Variants in POU2AF1 observed in about 807,000 individuals in gnomAD.
POU2AF1 encodes the protein POU domain class 2-associating factor 1.
Under a neutral mutation model 26.3 loss-of-function variants are expected in POU2AF1, and 12 were observed. That is an observed-to-expected ratio of 0.46 (90% CI 0.29 to 0.74). POU2AF1 has a LOEUF of 0.74. Ranked by LOEUF, POU2AF1 falls within the 30% of genes least tolerant of loss-of-function variation. The probability of loss-of-function intolerance (pLI) is 0.09; values close to 1 mark genes in which losing one functional copy is unlikely to be tolerated. For synonymous variants in POU2AF1, 175 were observed against 148.0 expected (o/e 1.18, Z -1.32); for missense variants, 297 against 334.5 (o/e 0.89, Z 0.87).
At chr11:111,355,188 T>C (rs1231667050) in intron 4 of POU2AF1, among the ~76,000 whole-genome samples, 2 of 152,208 alleles carry the variant, frequency 1.3e-5, no homozygotes, top group Non-Finnish European at 2.9e-5. Flanking sequence ...GTCAGCAAAC[T>C]TGGCCTTCCT....
At chr11:111,370,532 A>T (rs1348629925) in intron 1 of POU2AF1, among the ~76,000 whole-genome samples, 3 of 152,136 alleles carry the variant, frequency 2.0e-5, no homozygotes, top group African/African-American at 4.8e-5. Flanking sequence ...GAATATAGTT[A>T]TGGTGCCTGC....
chr11:111,376,607 G>A (rs1861314584), intron 1 of POU2AF1, among the ~76,000 whole-genome samples: 1 of 152,212 alleles, frequency 6.6e-6, no homozygotes, highest in Admixed American at 6.5e-5. Flanking sequence ...CATGGGCTAG[G>A]TAGGGAGGAG....
At chr11:111,361,899 G>A (rs1861016793) in intron 1 of POU2AF1, among the ~76,000 whole-genome samples, 2 of 152,162 alleles carry the variant, frequency 1.3e-5, no homozygotes, top group Non-Finnish European at 2.9e-5. Flanking sequence ...CGAAATCTGA[G>A]GACAGATACC....
At position 111,354,278 on chromosome 11, in the gene POU2AF1, A is replaced by T; in HGVS notation, c.754T>A (p.Ser252Thr). 1.2e-6 allele frequency: 2 copies of T among 1,614,140 alleles called. No individual in the cohort carries two copies. Among genetic ancestry groups the T allele is most frequent in the African/African-American group, 1.3e-5 (1 of 75,056 alleles). Residue 252 changes from serine to threonine, a missense_variant, in exon 5 of 5, where the codon TCT (serine) becomes ACT (threonine). Ser to Thr is a moderately conservative substitution (Grantham distance 58). Coordinates refer to ENST00000393067, the MANE Select transcript of POU2AF1 (RefSeq NM_006235.3). ...AGCCACGCCTAAAAGCCTTCCACAGAGAGAGTGTGGTTAAGCGCATAGGCG... is the reference window on the plus strand; with the variant it reads ...AGCCACGCCTAAAAGCCTTCCACAGTGAGAGTGTGGTTAAGCGCATAGGCG... ...SDAYALNHTL[S>T]VEGF
chr11:111,379,182 T>A lies in POU2AF1; in HGVS notation c.-5A>T. ...CTTACGTTTTTGCCAGAGCATGGCC[T>A]GTGACAGGATGTTGCCTTTTCTCTT... On this transcript the variant is annotated 5_prime_UTR_variant, in exon 1 of 5. Transcript: ENST00000393067. 6.2e-7 allele frequency: 1 copy of A among 1,614,154 alleles called. No homozygotes were observed. Among genetic ancestry groups the A allele is most frequent in the Non-Finnish European group, 8.5e-7 (1 of 1,179,986 alleles).
intron 1 of POU2AF1, among the ~76,000 whole-genome samples, chr11:111,376,054 A>G (rs1861304851): frequency 6.6e-6 from 1 of 152,196 alleles, no homozygotes; most frequent in African/African-American, 2.4e-5. Flanking sequence ...CAAAGTGTGG[A>G]AAAGAATATA....
At chr11:111,362,047 G>C (rs1316540242) in intron 1 of POU2AF1, among the ~76,000 whole-genome samples, 1 of 152,124 alleles carries the variant, frequency 6.6e-6, no homozygotes, top group Non-Finnish European at 1.5e-5. Flanking sequence ...CTGCTGGGTG[G>C]TGCCCAGCGA....
intron 1 of POU2AF1, among the ~76,000 whole-genome samples, chr11:111,374,516 G>C (rs1764936965): frequency 6.6e-6 from 1 of 152,156 alleles, no homozygotes; most frequent in Non-Finnish European, 1.5e-5. Flanking sequence ...GGCCAACATA[G>C]TGAAACTCCA....
In POU2AF1 at chr11:111,358,915, G is replaced by A. The variant is rs1178767570; in HGVS notation, c.20C>T (p.Thr7Ile). The A allele has an allele frequency of 6.2e-7, 1 of 1,602,006 alleles. No individual in the cohort carries two copies. Among genetic ancestry groups the A allele is most frequent in the Non-Finnish European group, 8.5e-7 (1 of 1,178,286 alleles). ...CGGGGCTGGGGCTTGCTCCGGAGCTGTGGCTGTGAAAAGCAATGTCCCTGG... is the reference window on the plus strand; with the variant it reads ...CGGGGCTGGGGCTTGCTCCGGAGCTATGGCTGTGAAAAGCAATGTCCCTGG... MLWQKP[T>I]APEQAPAPAR... The change falls in exon 2 of 5, where the codon ACA becomes ATA. Residue 7 changes from threonine (T) to isoleucine (I), a missense_variant. Thr to Ile is a moderately conservative substitution (Grantham distance 89). Coordinates refer to ENST00000393067, the MANE Select transcript of POU2AF1 (RefSeq NM_006235.3).
chr11:111,356,761 A>G (rs1860853745), intron 4 of POU2AF1, among the ~76,000 whole-genome samples: 1 of 152,176 alleles, frequency 6.6e-6, no homozygotes, highest in African/African-American at 2.4e-5. Context: ...TGTATGCCAG[A>G]CACTGTGCTA....
chr11:111,354,511 A>G lies in POU2AF1; in HGVS notation c.521T>C (p.Leu174Pro). Residue 174 changes from leucine (L) to proline (P), a missense_variant, in exon 5 of 5, where the codon CTC (leucine) becomes CCC (proline). By Grantham distance (98) the Leu-to-Pro change is moderately conservative (BLOSUM62 -3). Coordinates refer to ENST00000393067, the MANE Select transcript of POU2AF1 (RefSeq NM_006235.3). ...GGGCTGAGGCCACGGGAAATAGGTG[A>G]GGGGTGCCTGGTGCTCTGGGCCCTC... ...PLEGPEHQAP[L>P]TYFPWPQPLS... 1 of 1,586,186 alleles carries G rather than the reference A, an allele frequency of 6.3e-7. No individual in the cohort carries two copies. The highest frequency in any genetic ancestry group is 8.6e-7 in the Non-Finnish European group (1 of 1,169,122).
At chr11:111,360,008 T>C in intron 1 of POU2AF1, 1 of 519,056 alleles carries the variant, frequency 1.9e-6, no homozygotes, top group Non-Finnish European at 3.8e-6. Flanking sequence ...AGTGTCCACC[T>C]GCTGCTGAGG....
chr11:111,358,392 C>CA (rs1565360695), intron 2 of POU2AF1, among the ~76,000 whole-genome samples: 4 of 77,602 alleles, frequency 5.2e-5, no homozygotes, highest in African/African-American at 1.8e-4. Context: ...ACACACACTC[C>CA]CTCACACACA....
At chr11:111,354,786 CTA>C (rs1860811521) in intron 4 of POU2AF1, among the ~76,000 whole-genome samples, 1 of 152,164 alleles carries the variant, frequency 6.6e-6, no homozygotes, top group Non-Finnish European at 1.5e-5. Flanking sequence ...CCCTTCCTAG[CTA>C]TATGTCTTTG....
At chr11:111,374,700 A>C (rs1460556199) in intron 1 of POU2AF1, among the ~76,000 whole-genome samples, 1 of 152,218 alleles carries the variant, frequency 6.6e-6, no homozygotes, top group Non-Finnish European at 1.5e-5. Flanking sequence ...ATCTCAAAAA[A>C]AGAACTGCTG....
chr11:111,374,933 T>A (rs1458283264), intron 1 of POU2AF1, among the ~76,000 whole-genome samples: 1 of 152,222 alleles, frequency 6.6e-6, no homozygotes, highest in East Asian at 1.9e-4. Flanking sequence ...TATTGGCTCT[T>A]TAGTGGAACC....
intron 1 of POU2AF1, 90 bp from the exon 2 acceptor site, chr11:111,359,008 C>T (rs1410872820): frequency 6.6e-7 from 1 of 1,512,964 alleles, no homozygotes; most frequent in East Asian, 2.3e-5. Flanking sequence ...CTGCCTGCTC[C>T]CCTAAGTCGT....
At chr11:111,355,862 C>T (rs1174586287) in intron 4 of POU2AF1, among the ~76,000 whole-genome samples, 2 of 152,188 alleles carry the variant, frequency 1.3e-5, no homozygotes, top group Non-Finnish European at 2.9e-5. Flanking sequence ...TGGTCCCCAT[C>T]CCAGTGTCCT....
In POU2AF1 at chr11:111,353,396, C is replaced by G; in HGVS notation, c.*865G>C. ...CCTCTCTCCAACTAAGATGCACAGC[C>G]TGTTCCCATCCCTCCTCTGTCCCTC... On this transcript the variant is annotated 3_prime_UTR_variant, in exon 5 of 5. Coordinates refer to ENST00000393067, the MANE Select transcript of POU2AF1 (RefSeq NM_006235.3). The G allele has an allele frequency of 4.3e-6, 1 of 234,038 alleles. No homozygotes were observed. The highest frequency in any genetic ancestry group is 6.0e-5 in the East Asian group (1 of 16,614). 14.5% of individuals were successfully genotyped at this position (234,038 alleles called of 1,614,324 possible). A position where few individuals can be genotyped will look rare whatever the true frequency, so the allele number is the denominator to read the frequency against.
Sources: allele counts gnomAD v4.1 joint callset (sites outside exome capture counted in the v4.1 genomes callset), GRCh38; gene constraint gnomAD v4.1.1; transcripts MANE v1.5; gene names NCBI Gene and HGNC (gene_info 2026-07-23, HGNC 2026-07-21).